SH3BGRL2: variants seen among roughly 807,000 people sequenced by gnomAD.
SH3BGRL2 encodes SH3 domain binding glutamate rich protein like 2.
In SH3BGRL2, 21 loss-of-function variants were observed where a neutral mutation model predicts 14.8. The observed-to-expected ratio is 1.42, with a 90% CI of 1.01 to 2.05. The LOEUF (loss-of-function observed/expected upper bound fraction) is 2.05. Among genes scored for constraint, SH3BGRL2 ranks in the 30% most tolerant of loss-of-function variants. The pLI is 0.00. For synonymous variants in SH3BGRL2, 50 were observed against 47.8 expected, an observed-to-expected ratio of 1.05 and a Z score of -0.19; for missense variants, 147 against 130.8, an observed-to-expected ratio of 1.12 and a Z score of -0.61.
At chr6:79,678,856 G>A (rs1013123297) in intron 2 of SH3BGRL2, among the ~76,000 whole-genome samples, 1 of 152,084 alleles carries the variant, frequency 6.6e-6, no homozygotes, top group African/African-American at 2.4e-5. Context: ...ATTTATATGT[G>A]AGAACATGCA....
the SH3BGRL2 span, among the ~76,000 whole-genome samples, chr6:79,578,992 C>T: frequency 1.1e-3 from 167 of 152,228 alleles, no homozygotes; most frequent in African/African-American, 3.6e-3. Context: ...GGTATGAGAA[C>T]TACATGATGC....
intron 1 of SH3BGRL2, among the ~76,000 whole-genome samples, chr6:79,654,314 G>A (rs1769361657): frequency 6.6e-6 from 1 of 152,120 alleles, no homozygotes; most frequent in Non-Finnish European, 1.5e-5. Context: ...ATTTATTTTT[G>A]CTAAAGATCA....
At chr6:79,551,935 C>A in the SH3BGRL2 span, among the ~76,000 whole-genome samples, 2 of 152,078 alleles carry the variant, frequency 1.3e-5, no homozygotes, top group South Asian at 2.1e-4. Context: ...ACGAAAAATA[C>A]CAAAAATTAG....
At chr6:79,637,624 T>C (rs948663175) in intron 1 of SH3BGRL2, among the ~76,000 whole-genome samples, 2 of 151,326 alleles carry the variant, frequency 1.3e-5, no homozygotes, top group Admixed American at 1.3e-4. Flanking sequence ...ACCCAGGAAG[T>C]AGAGATTGCA....
the SH3BGRL2 span, among the ~76,000 whole-genome samples, chr6:79,545,229 G>A: frequency 4.1e-4 from 63 of 152,156 alleles, no homozygotes; most frequent in African/African-American, 1.4e-3. Context: ...CCTTTGTGGC[G>A]CTGATGCAGC....
the SH3BGRL2 span, among the ~76,000 whole-genome samples, chr6:79,538,591 C>G: frequency 6.6e-6 from 1 of 152,200 alleles, no homozygotes; most frequent in African/African-American, 2.4e-5. Context: ...TCTGCTGACA[C>G]TGTTAAAATA....
chr6:79,695,208 C>T (rs770610184), intron 2 of SH3BGRL2, among the ~76,000 whole-genome samples: 8 of 152,186 alleles, frequency 5.3e-5, no homozygotes, highest in Non-Finnish European at 1.2e-4. Context: ...GGCCAAATCG[C>T]TCTTTTCAGA....
intron 1 of SH3BGRL2, among the ~76,000 whole-genome samples, chr6:79,636,783 C>T (rs924301186): frequency 6.6e-6 from 1 of 152,122 alleles, no homozygotes; most frequent in Non-Finnish European, 1.5e-5. Context: ...TCTGCCTTCA[C>T]ATTCATATGG....
the SH3BGRL2 span, among the ~76,000 whole-genome samples, chr6:79,547,866 TA>T: frequency 6.6e-6 from 1 of 152,140 alleles, no homozygotes. Flanking sequence ...ATATACATAA[TA>T]ATAATTACTA....
intron 2 of SH3BGRL2, among the ~76,000 whole-genome samples, chr6:79,684,633 G>A (rs558274970): frequency 1.2e-4 from 19 of 152,224 alleles, no homozygotes; most frequent in African/African-American, 3.9e-4. Flanking sequence ...TTTGAAGTCC[G>A]TTAAGCCAGA....
intron 1 of SH3BGRL2, 111 bp downstream of exon 1, chr6:79,631,617 G>C (rs1768827277): frequency 1.2e-6 from 1 of 853,940 alleles, no homozygotes; most frequent in Non-Finnish European, 1.5e-6. Context: ...CCGCCCGCGG[G>C]AGCCCGCGCC....
At chr6:79,665,510 A>C (rs1769639644) in intron 1 of SH3BGRL2, among the ~76,000 whole-genome samples, 1 of 152,178 alleles carries the variant, frequency 6.6e-6, no homozygotes, top group Non-Finnish European at 1.5e-5. Context: ...AAAATTAAAA[A>C]ATTTCAAATG....
At chr6:79,593,637 A>G in the SH3BGRL2 span, among the ~76,000 whole-genome samples, 2 of 152,160 alleles carry the variant, frequency 1.3e-5, no homozygotes, top group South Asian at 2.1e-4. Flanking sequence ...AAAAAAATAC[A>G]TTGCATATTA....
intron 1 of SH3BGRL2, among the ~76,000 whole-genome samples, chr6:79,639,962 G>A (rs1171888971): frequency 1.3e-5 from 2 of 152,186 alleles, no homozygotes; most frequent in African/African-American, 4.8e-5. Flanking sequence ...GCAAGTGCTT[G>A]TTAACTTTTG....
chr6:79,551,453 A>T, the SH3BGRL2 span, among the ~76,000 whole-genome samples: 276 of 152,230 alleles, frequency 1.8e-3, 6 homozygotes, highest in African/African-American at 6.4e-3. Flanking sequence ...TATCAGAAAA[A>T]TTTTTTAAAA....
chr6:79,597,430 C>T, the SH3BGRL2 span, among the ~76,000 whole-genome samples: 2 of 151,822 alleles, frequency 1.3e-5, no homozygotes, highest in Non-Finnish European at 2.9e-5. Flanking sequence ...ACATATAGAT[C>T]AGTGGGATAG....
At chr6:79,602,869 A>G in the SH3BGRL2 span, among the ~76,000 whole-genome samples, 1 of 152,214 alleles carries the variant, frequency 6.6e-6, no homozygotes, top group Non-Finnish European at 1.5e-5. Context: ...TAAAGACTGA[A>G]AACCCAGAAG....
chr6:79,680,888 C>A (rs935607702), intron 2 of SH3BGRL2, among the ~76,000 whole-genome samples: 2 of 152,164 alleles, frequency 1.3e-5, no homozygotes, highest in Non-Finnish European at 2.9e-5. Flanking sequence ...TCTAAAAACA[C>A]AACTGATTTT....
chr6:79,627,557 C>A (rs1313911593), upstream of SH3BGRL2, among the ~76,000 whole-genome samples: 1 of 152,220 alleles, frequency 6.6e-6, no homozygotes, highest in Admixed American at 6.5e-5. Flanking sequence ...AGGAGAGTCT[C>A]ATTTTCAATA....
Sources: allele counts gnomAD v4.1 joint callset (sites outside exome capture counted in the v4.1 genomes callset), GRCh38; gene constraint gnomAD v4.1.1; transcripts MANE v1.5; gene names NCBI Gene and HGNC (gene_info 2026-07-23, HGNC 2026-07-21).